The following TSHZ2 variants were observed in gnomAD, a reference collection of about 807,000 sequenced individuals.
TSHZ2 encodes the protein teashirt zinc finger homeobox 2, also known as teashirt homolog 2.
TSHZ2 carries 21 observed loss-of-function variants against 74.4 expected under a neutral mutation model. The ratio of observed to expected loss-of-function variants is 0.28; its 90% CI spans 0.20 to 0.41. The LOEUF (loss-of-function observed/expected upper bound fraction) is 0.41. Ranked by LOEUF, TSHZ2 falls within the 10% of genes least tolerant of loss-of-function variation. The pLI is 1.00. For synonymous variants in TSHZ2, 540 were observed against 515.3 expected, an observed-to-expected ratio of 1.05 and a Z score of -0.65; for missense variants, 1,244 against 1,293.5, an observed-to-expected ratio of 0.96 and a Z score of 0.59.
intron 2 of TSHZ2, among the ~76,000 whole-genome samples, chr20:53,340,173 C>CTTTA: frequency 1.6e-5 from 1 of 62,116 alleles, no homozygotes; most frequent in African/African-American, 7.9e-5. Flanking sequence ...GGTGACTTTT[C>CTTTA]TTTCTTTTTT....
chr20:53,409,377 G>T (rs1402343115), intron 2 of TSHZ2, among the ~76,000 whole-genome samples: 4 of 151,946 alleles, frequency 2.6e-5, no homozygotes, highest in African/African-American at 9.7e-5. Context: ...CTTTCCCAAG[G>T]CTGTCTTGTC....
At chr20:53,412,794 AAACT>A (rs1348500186) in intron 2 of TSHZ2, 7 of 152,260 alleles carry the variant, frequency 4.6e-5, no homozygotes, top group African/African-American at 1.7e-4. Context: ...TTCCCTAAAC[AAACT>A]GTCAGAGGTC....
chr20:53,422,857 C>A (rs1480396590), intron 2 of TSHZ2, among the ~76,000 whole-genome samples: 1 of 152,186 alleles, frequency 6.6e-6, no homozygotes, highest in Non-Finnish European at 1.5e-5. Flanking sequence ...CAACATGATG[C>A]AGTGTTAAGA....
chr20:53,169,743 G>A (rs1034217976), intron 1 of TSHZ2, among the ~76,000 whole-genome samples: 5 of 152,158 alleles, frequency 3.3e-5, no homozygotes, highest in African/African-American at 1.2e-4. Context: ...AAGAACTCAA[G>A]TCTTGAGAAT....
chr20:53,435,422 GA>G (rs1416286648), intron 2 of TSHZ2, among the ~76,000 whole-genome samples: 1 of 152,184 alleles, frequency 6.6e-6, no homozygotes, highest in Non-Finnish European at 1.5e-5. Flanking sequence ...ACATATTGCA[GA>G]AAGAACTTTA....
chr20:53,258,138 T>C (rs541775677), intron 2 of TSHZ2, among the ~76,000 whole-genome samples: 5 of 152,356 alleles, frequency 3.3e-5, no homozygotes, highest in Admixed American at 2.6e-4. Flanking sequence ...AAATGAAGAC[T>C]ATCTTTTTGG....
At chr20:53,037,493 T>C (rs1179670394) in intron 1 of TSHZ2, among the ~76,000 whole-genome samples, 1 of 152,228 alleles carries the variant, frequency 6.6e-6, no homozygotes, top group Non-Finnish European at 1.5e-5. Context: ...GAAAAAATTC[T>C]ATAGATCTTC....
In TSHZ2 at chr20:53,046,297, C is replaced by T. The variant is rs547324414; in HGVS notation, c.40+72964C>T. Among the ~76,000 whole-genome samples the T allele has an allele frequency of 1.3e-4, 20 of 152,256 alleles. No individual in the cohort carries two copies. The South Asian group carries it at 4.2e-3, about 32-fold the overall frequency. On this transcript the variant is annotated intron_variant, in intron 1 of 2. Coordinates refer to ENST00000371497, the MANE Select transcript of TSHZ2 (RefSeq NM_173485.6). ...CTTCCCAGGAAATGATGTTCTAGAACCCTCCACAGCCACGTGACCTCCGCC... is the reference window on the plus strand; with the variant it reads ...CTTCCCAGGAAATGATGTTCTAGAATCCTCCACAGCCACGTGACCTCCGCC...
At chr20:53,128,707 C>T (rs1422367030) in intron 1 of TSHZ2, among the ~76,000 whole-genome samples, 3 of 151,922 alleles carry the variant, frequency 2.0e-5, no homozygotes, top group Non-Finnish European at 4.4e-5. Context: ...CTGCAACCTC[C>T]ACCTCCCAAG....
chr20:53,080,468 C>A (rs1465902989), intron 1 of TSHZ2, among the ~76,000 whole-genome samples: 5 of 152,028 alleles, frequency 3.3e-5, no homozygotes, highest in African/African-American at 4.8e-5. Flanking sequence ...AGCAACAGTC[C>A]CCAACCTTTT....
intron 1 of TSHZ2, among the ~76,000 whole-genome samples, chr20:53,235,406 G>T (rs1200936792): frequency 4.6e-5 from 7 of 152,080 alleles, no homozygotes; most frequent in Non-Finnish European, 1.0e-4. Context: ...CTGACCTCAT[G>T]TGATCCACCC....
chr20:53,236,988 G>A (rs1490174859), intron 1 of TSHZ2, among the ~76,000 whole-genome samples: 2 of 152,092 alleles, frequency 1.3e-5, no homozygotes, highest in African/African-American at 4.8e-5. Context: ...GTTTGCATGG[G>A]GACACAGAGC....
intron 2 of TSHZ2, among the ~76,000 whole-genome samples, chr20:53,396,158 C>G (rs1371272645): frequency 1.3e-5 from 2 of 152,210 alleles, no homozygotes; most frequent in Non-Finnish European, 2.9e-5. Context: ...AGGATAGTCT[C>G]TATCTCCTGA....
intron 1 of TSHZ2, among the ~76,000 whole-genome samples, chr20:53,085,485 G>T (rs546610932): frequency 6.6e-6 from 1 of 152,300 alleles, no homozygotes; most frequent in South Asian, 2.1e-4. Flanking sequence ...GAAACACACC[G>T]AGGAGAAACT....
At chr20:53,372,905 T>C (rs886242185) in intron 2 of TSHZ2, among the ~76,000 whole-genome samples, 4 of 152,176 alleles carry the variant, frequency 2.6e-5, no homozygotes, top group African/African-American at 9.7e-5. Context: ...GCAAACCGCT[T>C]TTTCACTTTC....
At chr20:53,472,585 C>T (rs1437850410) in intron 2 of TSHZ2, among the ~76,000 whole-genome samples, 2 of 152,276 alleles carry the variant, frequency 1.3e-5, no homozygotes, top group Middle Eastern at 3.4e-3. Context: ...CACCAGCACG[C>T]AGACGATATT....
chr20:53,341,022 A>G (rs1216818606), intron 2 of TSHZ2, among the ~76,000 whole-genome samples: 1 of 152,136 alleles, frequency 6.6e-6, no homozygotes, highest in Admixed American at 6.5e-5. Context: ...TATAAGTTTT[A>G]GGTCTGCTAT....
chr20:53,233,442 C>T (rs997861719), intron 1 of TSHZ2, among the ~76,000 whole-genome samples: 1 of 152,124 alleles, frequency 6.6e-6, no homozygotes, highest in African/African-American at 2.4e-5. Context: ...AGGGTGAGAC[C>T]TTTACGCTAA....
intron 1 of TSHZ2, among the ~76,000 whole-genome samples, chr20:53,168,475 T>C (rs1988113386): frequency 6.6e-6 from 1 of 152,226 alleles, no homozygotes; most frequent in Admixed American, 6.5e-5. Context: ...ATAACATCTA[T>C]GGCTGGCTAT....
Sources: allele counts gnomAD v4.1 joint callset (sites outside exome capture counted in the v4.1 genomes callset), GRCh38; gene constraint gnomAD v4.1.1; transcripts MANE v1.5; gene names NCBI Gene and HGNC (gene_info 2026-07-23, HGNC 2026-07-21).